Variants in CALN1 observed in about 807,000 individuals in gnomAD.
CALN1 encodes the protein calneuron 1, also known as calcium-binding protein 8.
In CALN1, 17 loss-of-function variants were observed where a neutral mutation model predicts 30.6. The observed-to-expected ratio is 0.56, with a 90% confidence interval of 0.38 to 0.83. The LOEUF is 0.83. CALN1 is among the 40% of genes least tolerant of loss of function. The pLI is 0.00. For synonymous variants in CALN1, 156 were observed against 131.4 expected (o/e 1.19, Z -1.28); for missense variants, 291 against 354.9 (o/e 0.82, Z 1.45).
At chr7:71,864,740 G>A (rs780153052) in intron 5 of CALN1, among the ~76,000 whole-genome samples, 2 of 152,136 alleles carry the variant, frequency 1.3e-5, no homozygotes, top group Non-Finnish European at 2.9e-5. Flanking sequence ...GGTAGCTCAC[G>A]CCTGTAATCC....
At chr7:71,815,035 G>A (rs911009388) in intron 5 of CALN1, among the ~76,000 whole-genome samples, 1 of 151,870 alleles carries the variant, frequency 6.6e-6, no homozygotes, top group South Asian at 2.1e-4. Context: ...GAGTTTCACC[G>A]TGTTAGCCAG....
chr7:72,459,093 G>A, the CALN1 span, among the ~76,000 whole-genome samples: 2,970 of 151,628 alleles, frequency 0.02, 48 homozygotes, highest in Middle Eastern at 0.051. Context: ...TGTATGAGAC[G>A]GGGTTTCACC....
chr7:72,155,489 C>T (rs1353549599), intron 3 of CALN1, among the ~76,000 whole-genome samples: 1 of 142,144 alleles, frequency 7.0e-6, no homozygotes, highest in South Asian at 2.2e-4. Flanking sequence ...AAGACTCTGT[C>T]TCAAAAAAAA....
intron 1 of CALN1, among the ~76,000 whole-genome samples, chr7:72,433,578 C>T (rs1192151480): frequency 6.6e-6 from 1 of 152,010 alleles, no homozygotes; most frequent in Non-Finnish European, 1.5e-5. Context: ...CACCCGAGCA[C>T]AGTGGCAGAG....
At chr7:72,376,672 T>C (rs890771400) in intron 2 of CALN1, among the ~76,000 whole-genome samples, 4 of 152,244 alleles carry the variant, frequency 2.6e-5, no homozygotes, top group Non-Finnish European at 4.4e-5. Context: ...TTTCACTTTC[T>C]TGATGGTGTC....
At chr7:72,044,332 G>A (rs78375474) in intron 4 of CALN1, among the ~76,000 whole-genome samples, 2,610 of 152,126 alleles carry the variant, frequency 0.017, 130 homozygotes, top group East Asian at 0.15. Context: ...ATCCAGAGCC[G>A]GCCTCCTCAT....
intron 3 of CALN1, among the ~76,000 whole-genome samples, chr7:72,154,717 G>C (rs1358646036): frequency 6.6e-6 from 1 of 152,086 alleles, no homozygotes; most frequent in Non-Finnish European, 1.5e-5. Flanking sequence ...ATAGGGTAAG[G>C]CTTAATCCGA....
chr7:72,023,498 C>T (rs1800848998), intron 5 of CALN1, among the ~76,000 whole-genome samples, 159 bp downstream of exon 5: 1 of 152,086 alleles, frequency 6.6e-6, no homozygotes, highest in Non-Finnish European at 1.5e-5. Flanking sequence ...CCTCCAAACC[C>T]TAAAAAAGTA....
chr7:71,803,959 T>C (rs901843993), intron 6 of CALN1, among the ~76,000 whole-genome samples: 27 of 152,014 alleles, frequency 1.8e-4, no homozygotes, highest in South Asian at 1.0e-3. Flanking sequence ...CGTGTGTGTG[T>C]GTGTGTGTGT....
chr7:72,219,593 T>TC (rs1403306373), intron 3 of CALN1, among the ~76,000 whole-genome samples: 1 of 152,018 alleles, frequency 6.6e-6, no homozygotes, highest in African/African-American at 2.4e-5. Flanking sequence ...CATGTAGTAC[T>TC]CCTTGATACA....
At chr7:72,495,485 C>T in the CALN1 span, among the ~76,000 whole-genome samples, 4 of 152,220 alleles carry the variant, frequency 2.6e-5, no homozygotes, top group Non-Finnish European at 5.9e-5. Flanking sequence ...TTGCAGGGAA[C>T]AAGGCACAGT....
At chr7:72,103,880 G>GC (rs1806886192) in intron 4 of CALN1, among the ~76,000 whole-genome samples, 2 of 152,132 alleles carry the variant, frequency 1.3e-5, no homozygotes, top group Admixed American at 6.6e-5. Context: ...AGGCTCCAAA[G>GC]CTTGCGGGTT....
intron 4 of CALN1, among the ~76,000 whole-genome samples, chr7:72,052,581 G>A (rs1302294840): frequency 6.6e-6 from 1 of 152,142 alleles, no homozygotes; most frequent in Non-Finnish European, 1.5e-5. Context: ...TTGACCTCAG[G>A]AAGGAGGCAC....
At chr7:72,473,065 G>A in the CALN1 span, among the ~76,000 whole-genome samples, 1 of 151,932 alleles carries the variant, frequency 6.6e-6, no homozygotes, top group African/African-American at 2.4e-5. Flanking sequence ...CCAAGTGCCT[G>A]TGCTTAGCTG....
chr7:72,381,663 A>T (rs915554160), intron 2 of CALN1, among the ~76,000 whole-genome samples: 1 of 152,170 alleles, frequency 6.6e-6, no homozygotes, highest in Non-Finnish European at 1.5e-5. Context: ...GAACGTATGG[A>T]AACAGGGAGA....
chr7:71,891,135 G>A (rs181960740), intron 5 of CALN1, among the ~76,000 whole-genome samples: 94 of 152,112 alleles, frequency 6.2e-4, no homozygotes, highest in Non-Finnish European at 1.1e-3. Flanking sequence ...TTTCATGGCT[G>A]TATAATATTC....
At chr7:72,044,147 T>C (rs958911055) in intron 4 of CALN1, among the ~76,000 whole-genome samples, 9 of 152,046 alleles carry the variant, frequency 5.9e-5, no homozygotes, top group African/African-American at 2.2e-4. Flanking sequence ...ATATGAGAGT[T>C]GGGGTAGGCT....
intron 4 of CALN1, among the ~76,000 whole-genome samples, chr7:72,068,275 C>G (rs1465351402): frequency 6.6e-6 from 1 of 152,158 alleles, no homozygotes; most frequent in Non-Finnish European, 1.5e-5. Flanking sequence ...CAAATATTAA[C>G]AGAGATCTAT....
intron 3 of CALN1, among the ~76,000 whole-genome samples, chr7:72,161,493 C>G (rs777737892): frequency 2.0e-5 from 3 of 152,144 alleles, no homozygotes; most frequent in African/African-American, 7.2e-5. Flanking sequence ...CAAAAAAATT[C>G]TATTTGCTTA....
Sources: allele counts gnomAD v4.1 joint callset (sites outside exome capture counted in the v4.1 genomes callset), GRCh38; gene constraint gnomAD v4.1.1; transcripts MANE v1.5; gene names NCBI Gene and HGNC (gene_info 2026-07-23, HGNC 2026-07-21).